HS6ST3: variants seen among roughly 807,000 people sequenced by gnomAD.
The protein encoded by HS6ST3 is heparan-sulfate 6-O-sulfotransferase 3.
In HS6ST3, 12 loss-of-function variants were observed where a neutral mutation model predicts 36.7. That is an observed-to-expected ratio of 0.33 (90% CI 0.21 to 0.53). HS6ST3 has a LOEUF of 0.53. Ranked by LOEUF, HS6ST3 falls within the 20% of genes least tolerant of loss-of-function variation. The pLI, the probability that HS6ST3 is intolerant of heterozygous loss-of-function variation, is 0.95. For missense variants in HS6ST3, 584 were observed against 640.9 expected (o/e 0.91, Z 0.96); for synonymous variants, 240 against 257.5 (o/e 0.93, Z 0.65).
chr13:96,711,526 C>T (rs777144874), intron 1 of HS6ST3, among the ~76,000 whole-genome samples: 2 of 152,156 alleles, frequency 1.3e-5, no homozygotes, highest in Non-Finnish European at 2.9e-5. Context: ...GATTGTGATA[C>T]AATGACCCAC....
intron 1 of HS6ST3, among the ~76,000 whole-genome samples, chr13:96,225,556 C>T (rs1356107721): frequency 2.6e-5 from 4 of 152,160 alleles, no homozygotes; most frequent in Non-Finnish European, 4.4e-5. Flanking sequence ...GGAGGTAGTA[C>T]TAGAAAAGGG....
At chr13:96,385,793 G>C (rs2055364645) in intron 1 of HS6ST3, among the ~76,000 whole-genome samples, 2 of 152,156 alleles carry the variant, frequency 1.3e-5, no homozygotes. Context: ...TTTAGGTACT[G>C]TAATTTGCAT....
chr13:96,238,546 G>A (rs2054545781), intron 1 of HS6ST3, among the ~76,000 whole-genome samples: 1 of 152,168 alleles, frequency 6.6e-6, no homozygotes, highest in Non-Finnish European at 1.5e-5. Flanking sequence ...TTAATTCAGA[G>A]AGGCATTCCT....
chr13:96,507,007 ACTGT>A (rs1401895323), intron 1 of HS6ST3, among the ~76,000 whole-genome samples: 50 of 152,162 alleles, frequency 3.3e-4, no homozygotes, highest in African/African-American at 1.1e-3. Context: ...GTAGTGTGAG[ACTGT>A]CAGTCTGTTG....
intron 1 of HS6ST3, among the ~76,000 whole-genome samples, chr13:96,535,954 C>G (rs2138938348): frequency 6.6e-6 from 1 of 152,314 alleles, no homozygotes; most frequent in East Asian, 1.9e-4. Context: ...TGAGATAGCT[C>G]TACAGCGTGA....
intron 1 of HS6ST3, among the ~76,000 whole-genome samples, chr13:96,191,796 G>T (rs1397391458): frequency 6.6e-6 from 1 of 152,114 alleles, no homozygotes; most frequent in Non-Finnish European, 1.5e-5. Flanking sequence ...GAAGAAAGAG[G>T]ATCTTTTTCT....
At position 96,770,606 on chromosome 13, in the gene HS6ST3, GA is replaced by G. The variant is rs952606976; in HGVS notation, c.708-61876del. On this transcript the variant is annotated intron_variant, in intron 1 of 1. Coordinates refer to ENST00000376705, the MANE Select transcript of HS6ST3 (RefSeq NM_153456.4). ...GGAGAGGAAATAGAAGGATATTGGG[GA>G]AAAAAAACTAGTAGATTCTATGGCA... is the stretch of plus-strand genomic sequence containing the variant. Among the ~76,000 whole-genome samples the G allele has an allele frequency of 1.1e-4, 16 of 151,914 alleles. No homozygotes were observed. The East Asian group carries it at 1.5e-3, about 15-fold the overall frequency.
intron 1 of HS6ST3, among the ~76,000 whole-genome samples, chr13:96,686,118 TCATCATCACACTTTCTCATTAC>T (rs913050808): frequency 6.6e-6 from 1 of 151,974 alleles, no homozygotes; most frequent in Non-Finnish European, 1.5e-5. Context: ...TACACACAAC[TCATCATCACACTTTCTCATTAC>T]CATACACGTC....
intron 1 of HS6ST3, among the ~76,000 whole-genome samples, chr13:96,140,813 T>C (rs1207892911): frequency 1.3e-5 from 2 of 152,090 alleles, no homozygotes; most frequent in Admixed American, 6.6e-5. Context: ...GATTCTACTA[T>C]TGATTGAAGA....
At chr13:96,427,734 A>G (rs1375181444) in intron 1 of HS6ST3, among the ~76,000 whole-genome samples, 1 of 152,194 alleles carries the variant, frequency 6.6e-6, no homozygotes, top group African/African-American at 2.4e-5. Flanking sequence ...CCAGAGCTCC[A>G]TAAAGATCCT....
chr13:96,678,542 G>A (rs759290502), intron 1 of HS6ST3, among the ~76,000 whole-genome samples: 1 of 152,002 alleles, frequency 6.6e-6, no homozygotes, highest in Admixed American at 6.6e-5. Context: ...AGATATGGTG[G>A]CGGGTGCCTG....
Position 96,326,700 on chromosome 13 carries a change from G to A in HS6ST3, c.707+235131G>A, listed in dbSNP as rs146310179. ...ATCCTTTGGGTATTTACCCAGTAAT[G>A]GGATGGCTGGGTCAAATGGTATTTC... On this transcript the variant is annotated intron_variant, in intron 1 of 1. Coordinates refer to ENST00000376705, the MANE Select transcript of HS6ST3 (RefSeq NM_153456.4). Among the ~76,000 whole-genome samples, 423 of 152,178 alleles carry A rather than the reference G, an allele frequency of 2.8e-3. 4 individuals carry two copies. Among genetic ancestry groups the A allele is most frequent in the African/African-American group, 9.8e-3 (405 of 41,516 alleles).
intron 1 of HS6ST3, among the ~76,000 whole-genome samples, chr13:96,488,375 T>G (rs2138903461): frequency 6.6e-6 from 1 of 152,280 alleles, no homozygotes; most frequent in South Asian, 2.1e-4. Flanking sequence ...AGATGAAAGC[T>G]TTAAATTAAT....
intron 1 of HS6ST3, among the ~76,000 whole-genome samples, chr13:96,727,107 T>C (rs1876024495): frequency 6.6e-6 from 1 of 152,194 alleles, no homozygotes; most frequent in African/African-American, 2.4e-5. Flanking sequence ...CTGTCTGGTT[T>C]AATACTCTTT....
intron 1 of HS6ST3, among the ~76,000 whole-genome samples, chr13:96,216,024 C>G (rs902424886): frequency 5.9e-5 from 9 of 152,118 alleles, no homozygotes; most frequent in African/African-American, 2.2e-4. Flanking sequence ...GGCTCAAATC[C>G]CGTTTCTGCC....
chr13:96,521,096 T>C (rs888109778), intron 1 of HS6ST3, among the ~76,000 whole-genome samples: 2 of 152,250 alleles, frequency 1.3e-5, no homozygotes, highest in African/African-American at 4.8e-5. Context: ...TTTCTGCATC[T>C]ATTGAGATAA....
At chr13:96,572,099 G>T (rs1211332589) in intron 1 of HS6ST3, among the ~76,000 whole-genome samples, 1 of 152,216 alleles carries the variant, frequency 6.6e-6, no homozygotes, top group Non-Finnish European at 1.5e-5. Context: ...AGAATCAGAA[G>T]ACCTGGGTTC....
chr13:96,573,907 C>T, intron 1 of HS6ST3: 2 of 507,922 alleles, frequency 3.9e-6, no homozygotes. Flanking sequence ...AATGGAATGG[C>T]AGCTCCACAA....
At chr13:96,729,672 G>T (rs935496238) in intron 1 of HS6ST3, among the ~76,000 whole-genome samples, 2 of 151,286 alleles carry the variant, frequency 1.3e-5, no homozygotes, top group African/African-American at 2.4e-5. Context: ...TCACCATGTT[G>T]GCCAGGCTGG....
Sources: gnomAD v4.1 joint callset for allele counts (sites outside exome capture counted in the v4.1 genomes callset) on GRCh38, gnomAD v4.1.1 for gene constraint, MANE v1.5 for transcripts, NCBI Gene and HGNC (gene_info 2026-07-23, HGNC 2026-07-21) for gene names.